The following AAR2 variants were observed in gnomAD, a reference collection of about 807,000 sequenced individuals.
AAR2 encodes AAR2 splicing factor.
AAR2 carries 31 observed loss-of-function variants against 26.9 expected under a neutral mutation model. The ratio of observed to expected loss-of-function variants is 1.15; its 90% confidence interval spans 0.86 to 1.55. The LOEUF is 1.55. Ranked by LOEUF, AAR2 falls within the 40% of genes most tolerant of loss-of-function variation. AAR2 has a pLI of 0.00. For synonymous variants in AAR2, 188 were observed against 196.1 expected, an observed-to-expected ratio of 0.96 and a Z score of 0.34; for missense variants, 430 against 491.3, an observed-to-expected ratio of 0.88 and a Z score of 1.18.
intron 3 of AAR2, among the ~76,000 whole-genome samples, 174 bp from the exon 4 acceptor site, chr20:36,255,404 G>A (rs2064811457): frequency 6.6e-6 from 1 of 152,228 alleles, no homozygotes; most frequent in South Asian, 2.1e-4. Flanking sequence ...ATCTCAGCTG[G>A]GTTTGGACCT....
rs2064659223 is a variant in AAR2, at chr20:36,240,025, C to A, written c.157C>A (p.Pro53Thr). 6.2e-7 allele frequency: 1 copy of A among 1,614,102 alleles called. No homozygotes were observed. Among genetic ancestry groups the A allele is most frequent in the Admixed American group, 1.7e-5 (1 of 60,008 alleles). The change falls in exon 2 of 4, where the codon CCA (proline) becomes ACA (threonine). Residue 53 changes from proline to threonine, a missense_variant. By Grantham distance (38) the Pro-to-Thr change is conservative. Transcript: ENST00000320849. ...GTTCCGGGGCGTGAAGATGATCCCT[C>A]CAGGCATCCACTTCCTCCACTACAG... ...PKFRGVKMIP[P>T]GIHFLHYSSV... is the part of the protein sequence containing the mutation.
At position 36,239,906 on chromosome 20, in the gene AAR2, G is replaced by A. The variant is rs140129195; in HGVS notation, c.38G>A (p.Arg13His). The change falls in exon 2 of 4, where the codon CGC becomes CAC. Residue 13 changes from arginine to histidine, a missense_variant. By Grantham distance (29) the Arg-to-His change is conservative (BLOSUM62 0). Transcript: ENST00000320849. The part of the protein sequence containing the change: ...AVQMDPELAK[R>H]LFFEGATVVI... Reference sequence around the variant, plus strand: ...CAGATGGATCCTGAGCTAGCCAAGCGCCTCTTCTTTGAAGGGGCCACTGTG... The same window carrying A: ...CAGATGGATCCTGAGCTAGCCAAGCACCTCTTCTTTGAAGGGGCCACTGTG... The A allele has an allele frequency of 1.9e-5, 31 of 1,606,544 alleles. No homozygotes were observed. The highest frequency in any genetic ancestry group is 6.7e-5 in the Admixed American group (4 of 59,812).
chr20:36,238,589 G>A (rs1279768399), intron 1 of AAR2, among the ~76,000 whole-genome samples: 1 of 151,892 alleles, frequency 6.6e-6, no homozygotes, highest in South Asian at 2.1e-4. Flanking sequence ...GACCCTCTCT[G>A]TACTAAAAAT....
intron 3 of AAR2, among the ~76,000 whole-genome samples, chr20:36,250,805 G>T (rs1569429308): frequency 6.6e-6 from 1 of 151,844 alleles, no homozygotes; most frequent in Non-Finnish European, 1.5e-5. Context: ...TTGCATGGGG[G>T]TATATATATA....
At chr20:36,251,358 C>G (rs2064778883) in intron 3 of AAR2, among the ~76,000 whole-genome samples, 1 of 151,950 alleles carries the variant, frequency 6.6e-6, no homozygotes, top group Non-Finnish European at 1.5e-5. Context: ...GATCCCGTCT[C>G]TAAAAAATAA....
Position 36,240,425 on chromosome 20 carries a change from A to G in AAR2, c.557A>G (p.Lys186Arg). The G allele has an allele frequency of 1.2e-6, 2 of 1,614,226 alleles. No homozygotes were observed. The highest frequency in any genetic ancestry group is 1.1e-5 in the South Asian group (1 of 91,078). ...QNLPRCGIEC[K>R]SYQEGLARLP... ...CTACCCCGCTGTGGCATTGAGTGCAAAAGCTACCAAGAGGGCCTGGCCCGG... is the reference window on the plus strand; with the variant it reads ...CTACCCCGCTGTGGCATTGAGTGCAGAAGCTACCAAGAGGGCCTGGCCCGG... The change falls in exon 2 of 4, where the codon AAA becomes AGA. Residue 186 changes from lysine to arginine, a missense_variant. By Grantham distance (26) the Lys-to-Arg change is conservative (BLOSUM62 2). Coordinates refer to ENST00000320849, the MANE Select transcript of AAR2 (RefSeq NM_001271874.2).
At chr20:36,247,898 G>GT (rs1355248887) in intron 3 of AAR2, among the ~76,000 whole-genome samples, 10 of 142,882 alleles carry the variant, frequency 7.0e-5, no homozygotes, top group African/African-American at 9.2e-5. Context: ...TAAAATTGTG[G>GT]TAAAAAAAAA....
chr20:36,245,935 A>T (rs2064730364), intron 3 of AAR2, among the ~76,000 whole-genome samples: 1 of 152,192 alleles, frequency 6.6e-6, no homozygotes. Context: ...CAGGAGGATC[A>T]CTTAGCCCAG....
At chr20:36,251,119 C>T (rs564695283) in intron 3 of AAR2, among the ~76,000 whole-genome samples, 1 of 151,756 alleles carries the variant, frequency 6.6e-6, no homozygotes, top group East Asian at 1.9e-4. Context: ...ATCACTTGAG[C>T]ACAGAGGTTA....
rs762334505 is a variant in AAR2 at position 36,240,532 on chromosome 20, C to A, written c.664C>A (p.Pro222Thr). The change falls in exon 2 of 4, where the codon CCA becomes ACA. Residue 222 changes from proline to threonine, a missense_variant. Coordinates refer to ENST00000320849, the MANE Select transcript of AAR2 (RefSeq NM_001271874.2). Reference sequence around the variant, plus strand: ...GCAGATGTTCCCAGAGGGTGCCACGCCAGCTGAGATAACCAAGCACAGCAT... The same window carrying A: ...GCAGATGTTCCCAGAGGGTGCCACGACAGCTGAGATAACCAAGCACAGCAT... Reference protein sequence around the residue: ...PTQMFPEGATPAEITKHSMDL... With the variant: ...PTQMFPEGATTAEITKHSMDL... 6 of 1,613,954 alleles carry A rather than the reference C, an allele frequency of 3.7e-6. No individual in the cohort carries two copies. In the South Asian group the frequency reaches 6.6e-5, roughly 18 times the overall value.
At chr20:36,247,476 T>C (rs2064745066) in intron 3 of AAR2, among the ~76,000 whole-genome samples, 2 of 152,164 alleles carry the variant, frequency 1.3e-5, no homozygotes, top group Admixed American at 1.3e-4. Context: ...CAGCTTCTCT[T>C]TCCTCTCCGT....
intron 3 of AAR2, 55 bp downstream of exon 3, chr20:36,244,981 A>G: frequency 1.3e-6 from 2 of 1,499,340 alleles, no homozygotes; most frequent in Non-Finnish European, 1.9e-6. Flanking sequence ...TTGAGGCAAC[A>G]GTATGTGTTT....
chr20:36,244,604 T>G, intron 2 of AAR2, 93 bp from the exon 3 acceptor site: 2 of 1,222,114 alleles, frequency 1.6e-6, no homozygotes, highest in Admixed American at 1.8e-5. Flanking sequence ...GTTGCTGAGG[T>G]CCAGTGGAAT....
intron 2 of AAR2, among the ~76,000 whole-genome samples, chr20:36,242,849 T>A (rs1285128065): frequency 1.3e-5 from 2 of 150,564 alleles, no homozygotes; most frequent in African/African-American, 4.9e-5. Context: ...GGAATAACTT[T>A]GTTGGTTTTT....
Position 36,255,706 on chromosome 20 carries a change from G to T in AAR2, c.1116G>T (p.Pro372=), listed in dbSNP as rs150979923. Reference sequence around the variant, plus strand: ...CTGCGGAACCTGAGGACTGTGCCCCGGTGGTGGTGGAGCTCCCTGAGGGCA... The same window carrying T: ...CTGCGGAACCTGAGGACTGTGCCCCTGTGGTGGTGGAGCTCCCTGAGGGCA... The part of the protein sequence containing the change: ...DFAAEPEDCA[P]VVVELPEGIE... Residue 372 remains proline (P), a synonymous_variant, in exon 4 of 4, where the codon CCG becomes CCT. Transcript: ENST00000320849. 1 of 1,614,004 alleles carries T rather than the reference G, an allele frequency of 6.2e-7. No homozygotes were observed. Among genetic ancestry groups the T allele is most frequent in the Non-Finnish European group, 8.5e-7 (1 of 1,180,026 alleles).
At chr20:36,243,119 C>T (rs2064700393) in intron 2 of AAR2, among the ~76,000 whole-genome samples, 1 of 152,148 alleles carries the variant, frequency 6.6e-6, no homozygotes. Context: ...TCTCAAAGGG[C>T]TAGGACTATC....
rs113739297 is a variant in AAR2 at position 36,248,209 on chromosome 20, G to T, written c.987+3283G>T. 4.3e-3 allele frequency among the ~76,000 whole-genome samples: 660 copies of T among 152,036 alleles called. 5 individuals are homozygous for T. The highest frequency in any genetic ancestry group is 0.015 in the African/African-American group (620 of 41,440). On this transcript the variant is annotated intron_variant, in intron 3 of 3. Coordinates refer to ENST00000320849, the MANE Select transcript of AAR2 (RefSeq NM_001271874.2). ...CCTACTCTTAGCTTACTTTGAACTTGTCGCTATTATATTGCATGAGATGTG... is the reference window on the plus strand; with the variant it reads ...CCTACTCTTAGCTTACTTTGAACTTTTCGCTATTATATTGCATGAGATGTG...
intron 3 of AAR2, among the ~76,000 whole-genome samples, chr20:36,245,595 T>G (rs1353838454): frequency 6.6e-6 from 1 of 152,212 alleles, no homozygotes; most frequent in Non-Finnish European, 1.5e-5. Context: ...CCACTGTCAG[T>G]TTCCATACTT....
At chr20:36,245,827 C>T (rs937043298) in intron 3 of AAR2, among the ~76,000 whole-genome samples, 1 of 152,148 alleles carries the variant, frequency 6.6e-6, no homozygotes, top group Non-Finnish European at 1.5e-5. Context: ...TAAAGACCAG[C>T]TTGGGCAATA....
Sources: gnomAD v4.1 joint callset for allele counts (sites outside exome capture counted in the v4.1 genomes callset) on GRCh38, gnomAD v4.1.1 for gene constraint, MANE v1.5 for transcripts, NCBI Gene and HGNC (gene_info 2026-07-23, HGNC 2026-07-21) for gene names.